DGKK: variants seen among roughly 807,000 people sequenced by gnomAD.
The protein encoded by DGKK is 142 kDa diacylglycerol kinase.
A neutral mutation model predicts 92.2 loss-of-function variants in DGKK; 35 were observed. The ratio of observed to expected loss-of-function variants is 0.38; its 90% confidence interval spans 0.29 to 0.50. The LOEUF (loss-of-function observed/expected upper bound fraction) is 0.50, where lower values mean the gene tolerates loss of function less well. Ranked by LOEUF, DGKK falls within the 20% of genes least tolerant of loss-of-function variation. The pLI is 0.92. For missense variants in DGKK, 910 were observed against 992.2 expected (o/e 0.92, Z 1.11); for synonymous variants, 368 against 360.6 (o/e 1.02, Z -0.23).
At chrX:50,371,917 G>T in intron 25 of DGKK, 83 bp from the exon 26 acceptor site, 1 of 595,677 alleles carries the variant, frequency 1.7e-6, no homozygotes, top group Non-Finnish European at 2.6e-6. Context: ...CCCAGTCCCT[G>T]CTAGTGACCA....
chrX:50,368,895 T>C lies in DGKK; in HGVS notation c.*45A>G, dbSNP rs1557222767. ...CCTGTATTGAGGTTTTGAGAGTTTTTTTAGTAGAATTCTCAATGTTGTGAG... is the reference window on the plus strand; with the variant it reads ...CCTGTATTGAGGTTTTGAGAGTTTTCTTAGTAGAATTCTCAATGTTGTGAG... On this transcript the variant is annotated 3_prime_UTR_variant, in exon 28 of 28. Coordinates refer to ENST00000611977, the MANE Select transcript of DGKK (RefSeq NM_001013742.4). 8.9e-7 allele frequency: 1 copy of C among 1,117,896 alleles called. No individual in the cohort carries two copies. Among genetic ancestry groups the C allele is most frequent in the Non-Finnish European group, 1.2e-6 (1 of 818,056 alleles). The allele number at this position is 1,117,896 out of a possible 1,213,427, so 92.1% of individuals were successfully genotyped here. A position where few individuals can be genotyped will look rare whatever the true frequency, so the allele number is the denominator to read the frequency against.
chrX:50,405,527 G>GGAGAGAGA (rs781903574), intron 4 of DGKK, among the ~76,000 whole-genome samples: 1 of 100,981 alleles, frequency 9.9e-6, no homozygotes, highest in Non-Finnish European at 2.0e-5. Context: ...GACAGTGGGG[G>GGAGAGAGA]GAGAGAGAGA....
At chrX:50,469,162 C>G (rs1331829990) in intron 1 of DGKK, among the ~76,000 whole-genome samples, 1 of 111,286 alleles carries the variant, frequency 9.0e-6, no homozygotes, top group Non-Finnish European at 1.9e-5. Context: ...ATTTAGAAGG[C>G]GTCGCGGTAG....
chrX:50,403,476 A>C lies in DGKK; in HGVS notation c.1185+15T>G. The C allele has an allele frequency of 8.4e-7, 1 of 1,189,692 alleles. No individual in the cohort carries two copies. Among genetic ancestry groups the C allele is most frequent in the Admixed American group, 2.2e-5 (1 of 46,056 alleles). ...TGGGAGAGGCCGACTGTGGGAAGAC[A>C]TGGCTAGTACTTACTACTTCATCTG... is the stretch of plus-strand genomic sequence containing the variant. On this transcript the variant is annotated intron_variant, in intron 6 of 27. Coordinates refer to ENST00000611977, the MANE Select transcript of DGKK (RefSeq NM_001013742.4).
intron 8 of DGKK, among the ~76,000 whole-genome samples, 176 bp from the exon 9 acceptor site, chrX:50,393,511 T>C (rs5915244): frequency 0.34 from 38,136 of 110,583 alleles, 5,774 homozygotes; most frequent in African/African-American, 0.56. Context: ...AAGTATTTGT[T>C]GTATTTGTCT....
chrX:50,432,382 A>G (rs1387358515), intron 1 of DGKK, among the ~76,000 whole-genome samples: 2 of 112,586 alleles, frequency 1.8e-5, no homozygotes, highest in African/African-American at 6.4e-5. Context: ...CTAAAAAGGT[A>G]TTTTACACAC....
At position 50,431,668 on chromosome X, in the gene DGKK, G is replaced by A. The variant is rs140942699; in HGVS notation, c.646-7310C>T. Among the ~76,000 whole-genome samples the A allele has an allele frequency of 9.2e-3, 1,025 of 111,145 alleles. 8 individuals are homozygous for A. The highest frequency in any genetic ancestry group is 0.032 in the African/African-American group (982 of 30,553). On this transcript the variant is annotated intron_variant, in intron 1 of 27. Coordinates refer to ENST00000611977, the MANE Select transcript of DGKK (RefSeq NM_001013742.4). ...GTCTTTGCTTGGGTTAGAGTGCTGG[G>A]AAGAAAGCTGTTTCCTAACACTCGC...
At chrX:50,403,622 TG>T in intron 5 of DGKK, 25 bp from the exon 6 acceptor site, 1 of 1,130,391 alleles carries the variant, frequency 8.8e-7, no homozygotes, top group South Asian at 1.8e-5. Context: ...AGAGAAAAGA[TG>T]GGTGTGAATC....
chrX:50,376,469 T>C (rs1333660676), intron 23 of DGKK, among the ~76,000 whole-genome samples: 1 of 111,850 alleles, frequency 8.9e-6, no homozygotes, highest in Non-Finnish European at 1.9e-5. Context: ...TCCAAGGCCC[T>C]CCTGATATTT....
At chrX:50,447,846 C>A (rs1926405532) in intron 1 of DGKK, among the ~76,000 whole-genome samples, 1 of 110,085 alleles carries the variant, frequency 9.1e-6, no homozygotes, top group African/African-American at 3.3e-5. Context: ...GGAAATCTTT[C>A]AGGACATAAA....
At chrX:50,416,033 A>G (rs782655170) in intron 4 of DGKK, among the ~76,000 whole-genome samples, 2 of 111,656 alleles carry the variant, frequency 1.8e-5, no homozygotes, top group African/African-American at 6.5e-5. Context: ...TGGATCCCTC[A>G]TGAATGAGAT....
intron 1 of DGKK, among the ~76,000 whole-genome samples, chrX:50,465,742 T>G (rs1406136229): frequency 9.0e-6 from 1 of 111,037 alleles, no homozygotes; most frequent in African/African-American, 3.3e-5. Flanking sequence ...CTTAGACAAA[T>G]GAGGATCCTA....
chrX:50,401,713 G>A (rs1925009953), intron 7 of DGKK, among the ~76,000 whole-genome samples: 1 of 109,388 alleles, frequency 9.1e-6, no homozygotes, highest in Non-Finnish European at 1.9e-5. Context: ...ACATTTTCTA[G>A]GGGGAATGAA....
intron 4 of DGKK, among the ~76,000 whole-genome samples, chrX:50,416,404 A>G (rs1428115574): frequency 8.9e-6 from 1 of 112,388 alleles, no homozygotes; most frequent in East Asian, 2.8e-4. Context: ...ACTCCAAAGC[A>G]CTTTCCAAAT....
chrX:50,384,869 AAGGGAGGGAGGAAGAAAGGAGGG>A (rs1557224818), intron 15 of DGKK, 45 bp from the exon 16 acceptor site: 1 of 985,542 alleles, frequency 1.0e-6, no homozygotes. Flanking sequence ...AGAAAGGAGG[AAGGGAGGGAGGAAGAAAGGAGGG>A]AGGGAGGATG....
chrX:50,438,318 C>G (rs1557230974), intron 1 of DGKK, among the ~76,000 whole-genome samples: 1 of 111,340 alleles, frequency 9.0e-6, no homozygotes, highest in Non-Finnish European at 1.9e-5. Context: ...TGTGCTAGGC[C>G]CTTTGTATAC....
chrX:50,458,351 T>C (rs1296533800), intron 1 of DGKK, among the ~76,000 whole-genome samples: 1 of 110,238 alleles, frequency 9.1e-6, no homozygotes, highest in Admixed American at 9.8e-5. Flanking sequence ...TCTATGGGTC[T>C]ATAATACTGA....
rs193111133 is a variant in DGKK, at chrX:50,385,495, G to A, written c.2348-671C>T. ...GGTTGCGACAGTTATGGCTACATCC[G>A]TTTAATCTGATCCACACTGCTTGGA... On this transcript the variant is annotated intron_variant, in intron 15 of 27. Transcript: ENST00000611977. Among the ~76,000 whole-genome samples, 38 of 112,017 alleles carry A rather than the reference G, an allele frequency of 3.4e-4. 2 individuals carry two copies. The East Asian group carries it at 9.3e-3, about 27-fold the overall frequency.
intron 1 of DGKK, among the ~76,000 whole-genome samples, chrX:50,443,323 A>C (rs1223998126): frequency 9.0e-6 from 1 of 111,402 alleles, no homozygotes; most frequent in Non-Finnish European, 1.9e-5. Flanking sequence ...ATGCCAGAGA[A>C]CTAACATCTT....
Sources: allele counts gnomAD v4.1 joint callset (sites outside exome capture counted in the v4.1 genomes callset), GRCh38; gene constraint gnomAD v4.1.1; transcripts MANE v1.5; gene names NCBI Gene and HGNC (gene_info 2026-07-23, HGNC 2026-07-21).